ZBTB37: variants seen among roughly 807,000 people sequenced by gnomAD.
ZBTB37 encodes the protein zinc finger and BTB domain-containing protein 37.
In ZBTB37, 15 loss-of-function variants were observed where a neutral mutation model predicts 37.7. That is an observed-to-expected ratio of 0.40 (90% CI 0.27 to 0.61). The LOEUF is 0.61. ZBTB37 is among the 20% of genes least tolerant of loss of function. ZBTB37 has a pLI of 0.44. For synonymous variants in ZBTB37, 231 were observed against 220.6 expected, an observed-to-expected ratio of 1.05 and a Z score of -0.42; for missense variants, 514 against 641.9, an observed-to-expected ratio of 0.80 and a Z score of 2.15.
intron 4 of ZBTB37, among the ~76,000 whole-genome samples, chr1:173,881,086 T>C (rs1376539038): frequency 6.6e-6 from 1 of 152,148 alleles, no homozygotes; most frequent in Non-Finnish European, 1.5e-5. Flanking sequence ...GTATATCTCC[T>C]AATGCTATCC....
At chr1:173,869,222 G>A (rs1327052351) in intron 2 of ZBTB37, 102 bp downstream of exon 2, 1 of 152,274 alleles carries the variant, frequency 6.6e-6, no homozygotes, top group African/African-American at 2.4e-5. Flanking sequence ...GGCAGAGTAA[G>A]TTCCTGAAGT....
chr1:173,872,747 C>T (rs1462395632), intron 3 of ZBTB37, among the ~76,000 whole-genome samples: 1 of 152,100 alleles, frequency 6.6e-6, no homozygotes, highest in Non-Finnish European at 1.5e-5. Flanking sequence ...GTGGCTCACA[C>T]CTGTGATCCC....
exon 4 of ZBTB37, chr1:173,893,255 T>C (rs1433799994): frequency 6.6e-6 from 1 of 152,208 alleles, no homozygotes; most frequent in Non-Finnish European, 1.5e-5. Flanking sequence ...ACCATGATTT[T>C]AATATACTGT....
At chr1:173,885,722 C>A in exon 5 of ZBTB37, 1 of 1,551,480 alleles carries the variant, frequency 6.4e-7, no homozygotes, top group Non-Finnish European at 8.7e-7. Context: ...TCCGGTACAA[C>A]CCTCGTCTCA....
intron 4 of ZBTB37, among the ~76,000 whole-genome samples, chr1:173,877,392 T>A: frequency 7.0e-6 from 1 of 143,618 alleles, no homozygotes; most frequent in African/African-American, 2.7e-5. Context: ...TTTTTTTTTT[T>A]TTTTTCCGAG....
exon 4 of ZBTB37, chr1:173,895,716 A>T (rs965138057): frequency 6.6e-6 from 1 of 152,242 alleles, no homozygotes; most frequent in African/African-American, 2.4e-5. Context: ...TTAATCTTTT[A>T]AAATTGGCAG....
exon 4 of ZBTB37, chr1:173,895,162 G>A (rs1342465663): frequency 6.6e-6 from 1 of 152,516 alleles, no homozygotes; most frequent in African/African-American, 2.4e-5. Context: ...GGAGTGCAGT[G>A]GTGCAATCAC....
chr1:173,890,261 T>C (rs987727407), downstream of ZBTB37: 2 of 152,214 alleles, frequency 1.3e-5, no homozygotes, highest in African/African-American at 4.8e-5. Context: ...TTTTAACTGG[T>C]GAAAACTGTA....
At chr1:173,892,585 A>G (rs375907624) in exon 4 of ZBTB37, 3 of 152,338 alleles carry the variant, frequency 2.0e-5, no homozygotes, top group East Asian at 3.9e-4. Context: ...TTTGCTGTGT[A>G]GGCAGGCTGT....
chr1:173,885,605 C>A (rs1656579413), intron 4 of ZBTB37, 31 bp from the exon 5 acceptor site: 2 of 1,495,880 alleles, frequency 1.3e-6, no homozygotes, highest in South Asian at 1.3e-5. Context: ...AATATTTGTT[C>A]TTTCTTGGTT....
exon 3 of ZBTB37, chr1:173,870,669 A>G (rs1181212030): frequency 6.2e-7 from 1 of 1,614,108 alleles, no homozygotes. Context: ...ATCAAGAGAG[A>G]CCTCCAGAGT....
intron 4 of ZBTB37, among the ~76,000 whole-genome samples, chr1:173,875,664 T>C (rs545778995): frequency 6.6e-6 from 1 of 152,098 alleles, no homozygotes; most frequent in East Asian, 1.9e-4. Context: ...TTATGCTTTT[T>C]TTTTTCTGAG....
At chr1:173,898,375 C>A (rs1363319039) in exon 4 of ZBTB37, 1 of 151,536 alleles carries the variant, frequency 6.6e-6, no homozygotes, top group Non-Finnish European at 1.5e-5. Flanking sequence ...GCAGGAGAAT[C>A]GCTTGAACTC....
chr1:173,899,284 T>C (rs1313321981), exon 4 of ZBTB37: 1 of 152,172 alleles, frequency 6.6e-6, no homozygotes, highest in Admixed American at 6.5e-5. Flanking sequence ...TTAGGAAAAT[T>C]TTTCCTTCTG....
chr1:173,886,196 G>A (rs1225957331), exon 5 of ZBTB37: 2 of 1,467,730 alleles, frequency 1.4e-6, no homozygotes, highest in East Asian at 5.0e-5. Flanking sequence ...GCCATGGGCT[G>A]ATACTTAGAT....
chr1:173,872,733 T>A (rs1327741970), intron 3 of ZBTB37, among the ~76,000 whole-genome samples: 1 of 151,948 alleles, frequency 6.6e-6, no homozygotes, highest in Non-Finnish European at 1.5e-5. Flanking sequence ...CAGGGCCAGG[T>A]GTGGTGGCTC....
exon 4 of ZBTB37, chr1:173,903,106 A>T (rs930406023): frequency 6.6e-6 from 1 of 152,164 alleles, no homozygotes; most frequent in African/African-American, 2.4e-5. Context: ...GTCATTTCTA[A>T]GTATCAGATT....
rs761881650 is a variant in ZBTB37, at chr1:173,870,923, G to A, written c.698G>A (p.Ser233Asn). ...GGAGTGGCGGACCGTGGGGGTCGGA[G>A]TGATGATGAAGTTAGAGTTCTTGGA... is the stretch of plus-strand genomic sequence containing the variant. The change falls in exon 3 of 5, where the codon AGT becomes AAT. Residue 233 changes from serine (S) to asparagine (N), a missense_variant. By Grantham distance (46) the Ser-to-Asn change is conservative (BLOSUM62 1). Around this residue, in one of 3 missense-constraint regions of ZBTB37, gnomAD observed 323 missense variants for 321.9 expected, o/e 1.00. Transcript: ENST00000427304. The A allele has an allele frequency of 1.5e-5, 25 of 1,614,260 alleles. No homozygotes were observed. In the South Asian group the frequency reaches 2.5e-4, roughly 16 times the overall value.
chr1:173,885,521 C>T (rs4652283), intron 4 of ZBTB37, 115 bp from the exon 5 acceptor site: 124,995 of 880,090 alleles, frequency 0.14, 11,262 homozygotes, highest in African/African-American at 0.38. Flanking sequence ...CTGTTTGATC[C>T]GCCACTAAAA....
Sources: allele counts gnomAD v4.1 joint callset (sites outside exome capture counted in the v4.1 genomes callset), GRCh38; gene constraint gnomAD v4.1.1; regional missense constraint gnomAD v4.1.1; transcripts MANE v1.5; gene names NCBI Gene and HGNC (gene_info 2026-07-23, HGNC 2026-07-21).